Variants in EXOC2 observed in about 807,000 individuals in gnomAD.
EXOC2 encodes the protein SEC5-like 1.
A neutral mutation model predicts 131.8 loss-of-function variants in EXOC2; 70 were observed. The observed-to-expected ratio is 0.53, with a 90% CI of 0.44 to 0.65. The LOEUF is 0.65. EXOC2 is among the 30% of genes least tolerant of loss of function. The pLI is 0.00. For synonymous variants in EXOC2, 411 were observed against 398.4 expected (o/e 1.03, Z -0.38); for missense variants, 923 against 1,108.6 (o/e 0.83, Z 2.38).
intron 17 of EXOC2, among the ~76,000 whole-genome samples, chr6:558,136 C>A (rs1017753926): frequency 1.3e-5 from 2 of 152,214 alleles, no homozygotes; most frequent in South Asian, 4.1e-4. Context: ...GGGAAAAAAA[C>A]TGAAGAGAAG....
Position 664,474 on chromosome 6 carries a change from T to G in EXOC2, c.-43-26613A>C, listed in dbSNP as rs144786133. On this transcript the variant is annotated intron_variant, in intron 1 of 27. Coordinates refer to ENST00000230449, the MANE Select transcript of EXOC2 (RefSeq NM_018303.6). ...ATATGAAACCAAAAAAGAGCCCGCATAGCCAAAGCAAGACTAAGCAAAAAC... is the reference window on the plus strand; with the variant it reads ...ATATGAAACCAAAAAAGAGCCCGCAGAGCCAAAGCAAGACTAAGCAAAAAC... Among the ~76,000 whole-genome samples, 816 of 152,312 alleles carry G rather than the reference T, an allele frequency of 5.4e-3. 9 individuals carry two copies. The highest frequency in any genetic ancestry group is 0.019 in the African/African-American group (779 of 41,570).
chr6:560,653 CTA>C (rs767516324), intron 17 of EXOC2, among the ~76,000 whole-genome samples: 4 of 151,772 alleles, frequency 2.6e-5, no homozygotes, highest in Non-Finnish European at 5.9e-5. Context: ...AGACTAGTCA[CTA>C]TTTAAATACA....
At chr6:518,651 T>C (rs552839326) in intron 23 of EXOC2, among the ~76,000 whole-genome samples, 20 of 152,248 alleles carry the variant, frequency 1.3e-4, no homozygotes, top group African/African-American at 2.2e-4. Context: ...GCCTAAAGCA[T>C]TGGACAAATG....
chr6:501,669 A>ATATATATCGATGTAT (rs1764206813), intron 23 of EXOC2, among the ~76,000 whole-genome samples: 2 of 116,618 alleles, frequency 1.7e-5, no homozygotes, highest in African/African-American at 6.5e-5. Context: ...ATCTATCTAT[A>ATATATATCGATGTAT]AAAGATATAT....
chr6:559,475 G>C (rs1371762169), intron 17 of EXOC2, among the ~76,000 whole-genome samples: 1 of 152,168 alleles, frequency 6.6e-6, no homozygotes, highest in African/African-American at 2.4e-5. Flanking sequence ...ACTTCTTCAA[G>C]GACCTCTGGC....
At chr6:685,754 T>C (rs754676048) in intron 1 of EXOC2, among the ~76,000 whole-genome samples, 2 of 151,948 alleles carry the variant, frequency 1.3e-5, no homozygotes, top group African/African-American at 2.4e-5. Context: ...AGGGGCCAAA[T>C]TGTATAGAGT....
chr6:653,395 C>G (rs937425088), intron 1 of EXOC2, among the ~76,000 whole-genome samples: 2 of 152,212 alleles, frequency 1.3e-5, no homozygotes, highest in Non-Finnish European at 2.9e-5. Flanking sequence ...AAAATTGCTA[C>G]TCTAGTGAAC....
intron 7 of EXOC2, among the ~76,000 whole-genome samples, chr6:604,757 C>T (rs1200278778): frequency 2.7e-5 from 4 of 146,200 alleles, no homozygotes; most frequent in African/African-American, 7.8e-5. Flanking sequence ...AGCCACCCAC[C>T]GCTGGCCTCT....
chr6:513,483 A>T (rs949690201), intron 23 of EXOC2, among the ~76,000 whole-genome samples: 1 of 152,218 alleles, frequency 6.6e-6, no homozygotes, highest in Non-Finnish European at 1.5e-5. Context: ...CAAGAATATT[A>T]GTTTCTTTCA....
intron 11 of EXOC2, among the ~76,000 whole-genome samples, chr6:587,707 C>T (rs773603838): frequency 1.3e-5 from 2 of 152,204 alleles, no homozygotes; most frequent in African/African-American, 2.4e-5. Context: ...GCGTCTGTGC[C>T]GCATTTCATT....
chr6:552,880 C>CACA (rs1561848310), intron 21 of EXOC2, among the ~76,000 whole-genome samples: 2 of 150,726 alleles, frequency 1.3e-5, no homozygotes, highest in Admixed American at 6.6e-5. Flanking sequence ...ACACACACAC[C>CACA]CCCCCTTCAA....
chr6:550,903 ATCT>A (rs1314064860), intron 21 of EXOC2, among the ~76,000 whole-genome samples: 2 of 152,186 alleles, frequency 1.3e-5, no homozygotes, highest in African/African-American at 2.4e-5. Flanking sequence ...AGCCTGCCAC[ATCT>A]TCTCTGCCCT....
chr6:544,118 A>G (rs911977159), intron 22 of EXOC2, among the ~76,000 whole-genome samples: 2 of 152,158 alleles, frequency 1.3e-5, no homozygotes, highest in African/African-American at 4.8e-5. Context: ...GGAATGCCAC[A>G]CCCTACCCAA....
At chr6:516,933 T>A (rs1480130133) in intron 23 of EXOC2, among the ~76,000 whole-genome samples, 1 of 151,886 alleles carries the variant, frequency 6.6e-6, no homozygotes, top group African/African-American at 2.4e-5. Flanking sequence ...GAGACCACGG[T>A]AGAGGGAACG....
chr6:688,647 G>A (rs1442070105), intron 1 of EXOC2, among the ~76,000 whole-genome samples: 1 of 152,098 alleles, frequency 6.6e-6, no homozygotes, highest in Non-Finnish European at 1.5e-5. Flanking sequence ...TACTTCTCTG[G>A]CAACAGTCGG....
chr6:526,602 G>A lies in EXOC2; in HGVS notation c.2380+5867C>T, dbSNP rs188188050. Among the ~76,000 whole-genome samples, 492 of 151,882 alleles carry A rather than the reference G, an allele frequency of 3.2e-3. 2 individuals carry two copies. Among genetic ancestry groups the A allele is most frequent in the African/African-American group, 0.011 (464 of 41,420 alleles). Reference sequence around the variant, plus strand: ...ATGACAGGAATGCACCACCGTGCCCGGTTAATTTTATATTTTTAGTAGAGA... The same window carrying A: ...ATGACAGGAATGCACCACCGTGCCCAGTTAATTTTATATTTTTAGTAGAGA... On this transcript the variant is annotated intron_variant, in intron 23 of 27. Transcript: ENST00000230449.
chr6:535,963 A>G (rs1766420879), intron 22 of EXOC2, among the ~76,000 whole-genome samples: 1 of 152,248 alleles, frequency 6.6e-6, no homozygotes, highest in African/African-American at 2.4e-5. Context: ...GTATTTTTTC[A>G]ACAGATGAAA....
At chr6:567,108 T>C (rs1168875000) in intron 13 of EXOC2, among the ~76,000 whole-genome samples, 1 of 152,248 alleles carries the variant, frequency 6.6e-6, no homozygotes, top group Non-Finnish European at 1.5e-5. Context: ...TCCCCACCAA[T>C]TGATTCTGAA....
intron 21 of EXOC2, 134 bp downstream of exon 21, chr6:553,720 T>TA: frequency 1.5e-6 from 1 of 667,912 alleles, no homozygotes; most frequent in Non-Finnish European, 2.6e-6. Flanking sequence ...TTTCACATAA[T>TA]AGAGCTCCAA....
Sources: gnomAD v4.1 joint callset for allele counts (sites outside exome capture counted in the v4.1 genomes callset) on GRCh38, gnomAD v4.1.1 for gene constraint, MANE v1.5 for transcripts, NCBI Gene and HGNC (gene_info 2026-07-23, HGNC 2026-07-21) for gene names.